KCNQ5: variants seen among roughly 807,000 people sequenced by gnomAD.
KCNQ5 encodes the protein potassium voltage-gated channel subfamily Q member 5, also known as potassium voltage-gated channel subfamily KQT member 5.
A neutral mutation model predicts 98.2 loss-of-function variants in KCNQ5; 30 were observed. That is an observed-to-expected ratio of 0.31 (90% CI 0.23 to 0.41). The LOEUF is 0.41. KCNQ5 is among the 10% of genes least tolerant of loss of function. The pLI is 1.00. For missense variants in KCNQ5, 835 were observed against 1,182.5 expected, an observed-to-expected ratio of 0.71 and a Z score of 4.31; for synonymous variants, 458 against 449.4, an observed-to-expected ratio of 1.02 and a Z score of -0.24.
intron 1 of KCNQ5, among the ~76,000 whole-genome samples, chr6:73,002,473 A>G (rs1029952445): frequency 3.3e-5 from 5 of 152,360 alleles, no homozygotes; most frequent in African/African-American, 1.2e-4. Flanking sequence ...TCTGGGGATA[A>G]CATAGAGATA....
rs372785442 is a variant in KCNQ5 at position 72,751,027 on chromosome 6, A to G, written c.398+128440A>G. On this transcript the variant is annotated intron_variant, in intron 1 of 13. Transcript: ENST00000370398. ...GTACTGGGATGAAAAAAAAATGGCT[A>G]AGATATGGTTCCTACCATTAAGAAG... Among the ~76,000 whole-genome samples the G allele has an allele frequency of 1.2e-3, 177 of 152,178 alleles. 1 individual carries two copies. Among genetic ancestry groups the G allele is most frequent in the Non-Finnish European group, 2.0e-3 (136 of 67,948 alleles).
rs1554198959 is a variant in KCNQ5, at chr6:73,024,381, T to TGATAGATAGATAGACAGATAGATAGATA, written c.490-17541_490-17540insCAGATAGATAGATAGATAGATAGATAGA. 9.5e-4 allele frequency among the ~76,000 whole-genome samples: 115 copies of TGATAGATAGATAGACAGATAGATAGATA among 120,654 alleles called. 1 individual carries two copies. The highest frequency in any genetic ancestry group is 3.5e-3 in the African/African-American group (113 of 31,902). The allele number at this position is 120,654 out of a possible 152,430, so 79.2% of individuals were successfully genotyped here. On this transcript the variant is annotated intron_variant, in intron 2 of 13. Transcript: ENST00000370398. ...TGAAAGCGATAGATAGATAGATAGA[T>TGATAGATAGATAGACAGATAGATAGATA]GATAGATAGATAGATAGATAGATAG...
At chr6:72,988,649 C>CTTTTTTTTTTTTTT in intron 1 of KCNQ5, among the ~76,000 whole-genome samples, 1 of 127,870 alleles carries the variant, frequency 7.8e-6, no homozygotes, top group Non-Finnish European at 1.6e-5. Context: ...GCATGATTTT[C>CTTTTTTTTTTTTTT]TTTTTTTTTT....
chr6:72,763,429 TC>T (rs1324863609), intron 1 of KCNQ5, among the ~76,000 whole-genome samples: 2 of 152,068 alleles, frequency 1.3e-5, no homozygotes, highest in Non-Finnish European at 2.9e-5. Context: ...TCATATTATT[TC>T]CCAAAAGTTT....
chr6:72,762,535 A>G (rs1772342464), intron 1 of KCNQ5, among the ~76,000 whole-genome samples: 1 of 152,064 alleles, frequency 6.6e-6, no homozygotes, highest in Admixed American at 6.6e-5. Context: ...AGCTTTCACA[A>G]TGGTTAAACA....
At chr6:73,097,954 C>T (rs866076468) in intron 5 of KCNQ5, among the ~76,000 whole-genome samples, 2 of 152,148 alleles carry the variant, frequency 1.3e-5, no homozygotes, top group African/African-American at 2.4e-5. Flanking sequence ...AAATACCTAA[C>T]TCTTCAATGC....
chr6:73,097,630 C>T (rs998207653), intron 5 of KCNQ5, among the ~76,000 whole-genome samples: 10 of 152,100 alleles, frequency 6.6e-5, no homozygotes, highest in East Asian at 1.9e-4. Flanking sequence ...CTGCTTGTGT[C>T]GCCCCTCACC....
chr6:72,879,566 C>A (rs1778561380), intron 1 of KCNQ5, among the ~76,000 whole-genome samples: 1 of 152,096 alleles, frequency 6.6e-6, no homozygotes, highest in Non-Finnish European at 1.5e-5. Flanking sequence ...CATTGTGGTA[C>A]CTTTTATTGT....
intron 1 of KCNQ5, among the ~76,000 whole-genome samples, chr6:72,867,154 G>A (rs1003575973): frequency 5.3e-5 from 8 of 152,112 alleles, no homozygotes; most frequent in African/African-American, 1.9e-4. Context: ...CTCTATGGAA[G>A]GAAATAAGTT....
At position 73,025,854 on chromosome 6, in the gene KCNQ5, C is replaced by A. The variant is rs569582064; in HGVS notation, c.490-16082C>A. Reference sequence around the variant, plus strand: ...TTCATGGCCACGTTGAGGACCAGGGCTGAGTAGCTGTGGGTTGGCACTTGG... The same window carrying A: ...TTCATGGCCACGTTGAGGACCAGGGATGAGTAGCTGTGGGTTGGCACTTGG... On this transcript the variant is annotated intron_variant, in intron 2 of 13. Coordinates refer to ENST00000370398, the MANE Select transcript of KCNQ5 (RefSeq NM_019842.4). Among the ~76,000 whole-genome samples, 114 of 152,206 alleles carry A rather than the reference C, an allele frequency of 7.5e-4. 1 individual carries two copies. The highest frequency in any genetic ancestry group is 2.7e-3 in the African/African-American group (114 of 41,526).
intron 1 of KCNQ5, among the ~76,000 whole-genome samples, chr6:72,914,319 G>A (rs1269287683): frequency 6.6e-6 from 1 of 151,802 alleles, no homozygotes; most frequent in African/African-American, 2.4e-5. Context: ...GAGAATAACA[G>A]TACTAGAGAA....
intron 1 of KCNQ5, among the ~76,000 whole-genome samples, chr6:72,643,091 G>C (rs1765412937): frequency 6.6e-6 from 1 of 152,120 alleles, no homozygotes; most frequent in Non-Finnish European, 1.5e-5. Flanking sequence ...GGGAACAACA[G>C]ACACTGGAGT....
chr6:72,785,352 A>G (rs1042786567), intron 1 of KCNQ5, among the ~76,000 whole-genome samples: 4 of 152,166 alleles, frequency 2.6e-5, no homozygotes, highest in Admixed American at 2.0e-4. Flanking sequence ...GGAGTTAGTC[A>G]AGAACAGGAG....
chr6:73,148,675 G>C (rs1344575813), intron 10 of KCNQ5, among the ~76,000 whole-genome samples: 1 of 152,182 alleles, frequency 6.6e-6, no homozygotes, highest in Non-Finnish European at 1.5e-5. Flanking sequence ...AGATCAAAAA[G>C]TATTTCAGAA....
intron 1 of KCNQ5, among the ~76,000 whole-genome samples, chr6:72,768,995 A>T (rs1772720247): frequency 6.6e-6 from 1 of 152,102 alleles, no homozygotes; most frequent in Non-Finnish European, 1.5e-5. Flanking sequence ...ATGGAAAAAT[A>T]GCCACTCTGC....
At chr6:73,171,109 G>T (rs1397695372) in intron 11 of KCNQ5, among the ~76,000 whole-genome samples, 1 of 152,098 alleles carries the variant, frequency 6.6e-6, no homozygotes, top group Admixed American at 6.5e-5. Context: ...AAGCAGAAAT[G>T]AGTTCTAAAG....
intron 1 of KCNQ5, among the ~76,000 whole-genome samples, chr6:72,678,176 T>A (rs758294981): frequency 1.2e-4 from 19 of 152,106 alleles, no homozygotes; most frequent in Non-Finnish European, 2.1e-4. Context: ...ATTGACTCTC[T>A]CAGAAGTATT....
chr6:73,080,595 A>G (rs186356890), intron 5 of KCNQ5, among the ~76,000 whole-genome samples: 1 of 152,286 alleles, frequency 6.6e-6, no homozygotes, highest in African/African-American at 2.4e-5. Context: ...AGTGAAAATT[A>G]TGGTTGGGTA....
chr6:72,715,408 G>T (rs1769598285), intron 1 of KCNQ5, among the ~76,000 whole-genome samples: 1 of 152,176 alleles, frequency 6.6e-6, no homozygotes, highest in Non-Finnish European at 1.5e-5. Flanking sequence ...TGGCTGCTAG[G>T]CACAGTTACA....
Sources: allele counts gnomAD v4.1 joint callset (sites outside exome capture counted in the v4.1 genomes callset), GRCh38; gene constraint gnomAD v4.1.1; transcripts MANE v1.5; gene names NCBI Gene and HGNC (gene_info 2026-07-23, HGNC 2026-07-21).